The following AHRR variants were observed in gnomAD, a reference collection of about 807,000 sequenced individuals.
The protein encoded by AHRR is aryl hydrocarbon receptor repressor.
A neutral mutation model predicts 44.0 loss-of-function variants in AHRR; 28 were observed. The observed-to-expected ratio is 0.64, with a 90% CI of 0.47 to 0.87. The LOEUF (loss-of-function observed/expected upper bound fraction) is 0.87, where lower values mean the gene tolerates loss of function less well. AHRR is among the 40% of genes least tolerant of loss of function. AHRR has a pLI of 0.00. For missense variants in AHRR, 990 were observed against 953.9 expected, an observed-to-expected ratio of 1.04 and a Z score of -0.50; for synonymous variants, 434 against 407.0, an observed-to-expected ratio of 1.07 and a Z score of -0.80.
chr5:338,156 A>G lies in AHRR; in HGVS notation c.-10-5737A>G, dbSNP rs1742210256. 6.6e-6 allele frequency among the ~76,000 whole-genome samples: 1 copy of G among 152,172 alleles called. No homozygotes were observed. Among genetic ancestry groups the G allele is most frequent in the Non-Finnish European group, 1.5e-5 (1 of 68,034 alleles). On this transcript the variant is annotated intron_variant, in intron 1 of 10. Transcript: ENST00000684583. The surrounding 1 kb of genome is among the most constrained non-coding windows in gnomAD (Gnocchi z 4.1). ...ACGTTTGTTGTGAACCCCACAACAC[A>G]CTGTTGTTATTGCTTAGTCACTTAT...
rs536302542 is a variant in AHRR, at chr5:326,224, C to T, written c.-11+4405C>T. Among the ~76,000 whole-genome samples the T allele has an allele frequency of 9.7e-4, 148 of 152,352 alleles. 2 individuals are homozygous for T. The highest frequency in any genetic ancestry group is 3.3e-3 in the African/African-American group (137 of 41,586). The stretch of plus-strand genomic sequence containing the variant: ...AGCTCCAAAACCTCTTCATCGCCTC[C>T]GGCAGTGCTCACCCACCAGGCAGTC... On this transcript the variant is annotated intron_variant, in intron 1 of 10. Transcript: ENST00000684583. The surrounding 1 kb of genome is among the most constrained non-coding windows in gnomAD (Gnocchi z 4.1).
At position 326,544 on chromosome 5, in the gene AHRR, A is replaced by AT. The variant is rs1322751718; in HGVS notation, c.-11+4728dup. Among the ~76,000 whole-genome samples the AT allele has an allele frequency of 6.6e-6, 1 of 152,168 alleles. No homozygotes were observed. The highest frequency in any genetic ancestry group is 1.5e-5 in the Non-Finnish European group (1 of 68,018). ...TTGGCTACTGTGAATTATGATGGGC[A>AT]TTTGTATGCAGGTTTCTGTTAGAAC... is the stretch of plus-strand genomic sequence containing the variant. On this transcript the variant is annotated intron_variant, in intron 1 of 10. Transcript: ENST00000684583. The surrounding 1 kb of genome is among the most constrained non-coding windows in gnomAD (Gnocchi z 4.1).
At position 413,359 on chromosome 5, in the gene AHRR, G is replaced by C. The variant is rs368383523; in HGVS notation, c.367G>C (p.Ala123Pro). 4 of 1,609,448 alleles carry C rather than the reference G, an allele frequency of 2.5e-6. No homozygotes were observed. In the African/African-American group the frequency reaches 5.4e-5, roughly 22 times the overall value. ...TTTCTTCTAGTCTCTTAATGGCTTT[G>C]CTCTGGTCGTGAGTGCAGAAGGGAC... ...RLLLESLNGF[A>P]LVVSAEGTIF... Residue 123 changes from alanine to proline, a missense_variant, in exon 5 of 11, where the codon GCT becomes CCT. Transcript: ENST00000684583.
Position 326,791 on chromosome 5 carries a change from G to C in AHRR, c.-11+4972G>C, listed in dbSNP as rs1163919636. Among the ~76,000 whole-genome samples the C allele has an allele frequency of 3.3e-5, 5 of 152,190 alleles. No individual in the cohort carries two copies. Among genetic ancestry groups the C allele is most frequent in the Non-Finnish European group, 7.3e-5 (5 of 68,036 alleles). On this transcript the variant is annotated intron_variant, in intron 1 of 10. Transcript: ENST00000684583. The surrounding 1 kb of genome is among the most constrained non-coding windows in gnomAD (Gnocchi z 4.1). ...AAAATGATAGCTGGCCCGGCGCATGGTTCACGCCTGTAATCCCTGCACTTT... is the reference window on the plus strand; with the variant it reads ...AAAATGATAGCTGGCCCGGCGCATGCTTCACGCCTGTAATCCCTGCACTTT...
intron 4 of AHRR, among the ~76,000 whole-genome samples, chr5:382,230 G>C (rs1394064393): frequency 1.3e-5 from 2 of 152,214 alleles, no homozygotes; most frequent in Non-Finnish European, 2.9e-5. Context: ...GGAAGACATT[G>C]TGTAGAATTG....
In AHRR at chr5:419,596, A is replaced by C. The variant is rs913546838; in HGVS notation, c.442-3133A>C. On this transcript the variant is annotated intron_variant, in intron 5 of 10. Coordinates refer to ENST00000684583, the MANE Select transcript of AHRR (RefSeq NM_001377236.1). The surrounding 1 kb of genome is among the most constrained non-coding windows in gnomAD (Gnocchi z 4.4). ...TCACTTCTAAAAAACTGGCCCTAAA[A>C]CGTGTCAAGAGCTCGCACAGGAGTG... Among the ~76,000 whole-genome samples, 11 of 151,916 alleles carry C rather than the reference A, an allele frequency of 7.2e-5. No individual in the cohort carries two copies. Among genetic ancestry groups the C allele is most frequent in the Non-Finnish European group, 1.6e-4 (11 of 67,998 alleles).
intron 4 of AHRR, among the ~76,000 whole-genome samples, chr5:399,949 A>G (rs1734940504): frequency 6.6e-6 from 1 of 152,212 alleles, no homozygotes. Context: ...TCAGCTCCCC[A>G]AGCAAGAGCG....
rs1055246683 is a variant in AHRR, at chr5:437,284, G to A, written c.*2450G>A. 3.9e-5 allele frequency: 6 copies of A among 152,354 alleles called. No homozygotes were observed. The highest frequency in any genetic ancestry group is 1.9e-4 in the East Asian group (1 of 5,322). 9.4% of individuals were successfully genotyped at this position (152,354 alleles called of 1,614,324 possible). ...GTTCCCTGTTCTGAGGGCCAGCCAC[G>A]TCCTGTGTCCTGGAGCTTAGCCCTC... On this transcript the variant is annotated 3_prime_UTR_variant, in exon 11 of 11. Transcript: ENST00000684583.
chr5:424,807 A>G (rs563668251), intron 7 of AHRR, among the ~76,000 whole-genome samples: 54 of 152,176 alleles, frequency 3.5e-4, no homozygotes, highest in African/African-American at 1.3e-3. Context: ...CACTTCTGCT[A>G]TTTGACCATT....
intron 5 of AHRR, among the ~76,000 whole-genome samples, chr5:415,716 T>TAGGGGCCGAATCTGCCTGGTGGGGC (rs1560916531): frequency 2.4e-5 from 3 of 124,150 alleles, no homozygotes; most frequent in Non-Finnish European, 3.6e-5. Context: ...CCTGGTCGGC[T>TAGGGGCCGAATCTGCCTGGTGGGGC]GGGAGGCCTA....
At chr5:356,476 C>T (rs146038455) in intron 3 of AHRR, among the ~76,000 whole-genome samples, 21 of 133,626 alleles carry the variant, frequency 1.6e-4, no homozygotes, top group South Asian at 5.1e-4. Context: ...AGAGCGCCCG[C>T]GAGTGGAGGC....
chr5:399,228 G>T (rs991295085), intron 4 of AHRR, among the ~76,000 whole-genome samples: 1 of 152,354 alleles, frequency 6.6e-6, no homozygotes, highest in Admixed American at 6.5e-5. Context: ...AGGGCGTGGG[G>T]TCCCAGGCTT....
At chr5:421,376 G>C (rs2126530490) in intron 5 of AHRR, 1 of 618,160 alleles carries the variant, frequency 1.6e-6, no homozygotes, top group South Asian at 1.7e-5. Flanking sequence ...TCCGCGCACA[G>C]TACCAGCCCC....
intron 1 of AHRR, 179 bp from the exon 2 acceptor site, chr5:343,714 G>C (rs1461101523): frequency 1.7e-6 from 1 of 584,670 alleles, no homozygotes; most frequent in East Asian, 3.4e-5. Context: ...CCTCGGTGCG[G>C]GGTGCTGGAG....
rs1434133298 is a variant in AHRR, at chr5:343,971, T to A, written c.62+7T>A. The stretch of plus-strand genomic sequence containing the variant: ...GGAGGCCCCTGCAGAAACAGTAAAG[T>A]ATCCCGCCTTCTGCTTGTGTGGGTT... On this transcript the variant is annotated splice_region_variant and intron_variant, in intron 2 of 10. Coordinates refer to ENST00000684583, the MANE Select transcript of AHRR (RefSeq NM_001377236.1). The A allele has an allele frequency of 2.3e-5, 36 of 1,593,938 alleles. No individual in the cohort carries two copies. Among genetic ancestry groups the A allele is most frequent in the Non-Finnish European group, 2.7e-5 (32 of 1,171,340 alleles).
intron 2 of AHRR, among the ~76,000 whole-genome samples, chr5:349,553 C>A (rs1237075454): frequency 6.7e-6 from 1 of 149,078 alleles, no homozygotes; most frequent in African/African-American, 2.5e-5. Flanking sequence ...GCATTCCAGC[C>A]TGGGTGACAG....
At chr5:375,203 T>A (rs953318621) in intron 3 of AHRR, among the ~76,000 whole-genome samples, 1 of 152,244 alleles carries the variant, frequency 6.6e-6, no homozygotes, top group Admixed American at 6.5e-5. Flanking sequence ...GACATTATGC[T>A]TTTATTCAAG....
At chr5:389,382 C>G (rs762875274) in intron 4 of AHRR, among the ~76,000 whole-genome samples, 6 of 152,190 alleles carry the variant, frequency 3.9e-5, no homozygotes, top group Non-Finnish European at 7.3e-5. Flanking sequence ...CACCGGTGCC[C>G]GAGCGACTCG....
Position 434,817 on chromosome 5 carries a change from T to A in AHRR, c.2077T>A (p.Cys693Ser). The A allele has an allele frequency of 6.5e-7, 1 of 1,549,210 alleles. No individual in the cohort carries two copies. The highest frequency in any genetic ancestry group is 8.7e-7 in the Non-Finnish European group (1 of 1,145,352). The change falls in exon 11 of 11, where the codon TGC becomes AGC. Residue 693 changes from cysteine (C) to serine (S), a missense_variant. Physicochemically the swap from Cys to Ser is moderately radical, Grantham distance 112. Transcript: ENST00000684583. ...GCTGGTCCCGCCCCAAGCTTCGGGG[T>A]GCACATTCCTGCCATAGCGCAGTGA... The part of the protein sequence containing the change: ...ATLVPPQASG[C>S]TFLP
Sources: gnomAD v4.1 joint callset for allele counts (sites outside exome capture counted in the v4.1 genomes callset) on GRCh38, gnomAD v4.1.1 for gene constraint, Gnocchi (gnomAD v3.1) non-coding constraint, MANE v1.5 for transcripts, NCBI Gene and HGNC (gene_info 2026-07-23, HGNC 2026-07-21) for gene names.